CCDC172: variants seen among roughly 807,000 people sequenced by gnomAD.
CCDC172 encodes the protein coiled-coil domain containing 172, also known as coiled-coil domain-containing protein 172.
In CCDC172, 30 loss-of-function variants were observed where a neutral mutation model predicts 38.0. The ratio of observed to expected loss-of-function variants is 0.79; its 90% CI spans 0.59 to 1.07. CCDC172 has a LOEUF of 1.07. Among genes scored for constraint, CCDC172 ranks in the 50% least tolerant of loss-of-function variants. The pLI is 0.00. For synonymous variants in CCDC172, 78 were observed against 88.3 expected (o/e 0.88, Z 0.66); for missense variants, 297 against 290.1 (o/e 1.02, Z -0.17).
intron 2 of CCDC172, 56 bp from the exon 3 acceptor site, chr10:116,325,247 C>A (rs2134895508): frequency 6.4e-7 from 1 of 1,553,878 alleles, no homozygotes; most frequent in Non-Finnish European, 8.8e-7. Context: ...TCAAACGCCA[C>A]CAAAATGGGG....
chr10:116,357,743 C>A, intron 6 of CCDC172, 93 bp from the exon 7 acceptor site: 1 of 722,420 alleles, frequency 1.4e-6, no homozygotes, highest in Non-Finnish European at 2.2e-6. Context: ...TATATGCAAG[C>A]ACCAAAAATT....
At chr10:116,362,295 A>G (rs1845074270) in intron 7 of CCDC172, among the ~76,000 whole-genome samples, 2 of 152,230 alleles carry the variant, frequency 1.3e-5, no homozygotes, top group Admixed American at 1.3e-4. Context: ...TATGAATCAC[A>G]CTGGTCTGCA....
At chr10:116,368,082 CA>C (rs1289881650) in intron 7 of CCDC172, among the ~76,000 whole-genome samples, 2 of 152,028 alleles carry the variant, frequency 1.3e-5, no homozygotes, top group Non-Finnish European at 2.9e-5. Flanking sequence ...TTTTTCAGAG[CA>C]TTATATCAGG....
rs761112452 is a variant in CCDC172, at chr10:116,325,099, A to G, written c.79+9A>G. On this transcript the variant is annotated intron_variant, in intron 2 of 8. Coordinates refer to ENST00000333254, the MANE Select transcript of CCDC172 (RefSeq NM_198515.3). ...CCGTTTGATGCGAGAAGGTCGGGGT[A>G]TTTCTGTCCTTTGCATGGGGCCTTT... 4 of 1,613,440 alleles carry G rather than the reference A, an allele frequency of 2.5e-6. No homozygotes were observed. The highest frequency in any genetic ancestry group is 1.1e-5 in the South Asian group (1 of 91,056).
intron 7 of CCDC172, among the ~76,000 whole-genome samples, chr10:116,367,358 C>G (rs1845135487): frequency 6.6e-6 from 1 of 152,084 alleles, no homozygotes. Context: ...AAACATCACA[C>G]TGTATCCCAA....
chr10:116,370,498 T>A (rs142479192), intron 7 of CCDC172, among the ~76,000 whole-genome samples: 52 of 152,088 alleles, frequency 3.4e-4, no homozygotes, highest in African/African-American at 1.2e-3. Context: ...GTTTGAGGTG[T>A]CACCTCTATT....
intron 5 of CCDC172, among the ~76,000 whole-genome samples, chr10:116,356,327 T>A (rs1844995933): frequency 8.4e-6 from 1 of 118,398 alleles, no homozygotes; most frequent in African/African-American, 3.4e-5. Flanking sequence ...AAGACTCCAC[T>A]CAGAAAAAAA....
intron 3 of CCDC172, among the ~76,000 whole-genome samples, chr10:116,334,436 G>A (rs1029017935): frequency 1.3e-5 from 2 of 151,888 alleles, no homozygotes; most frequent in African/African-American, 2.4e-5. Context: ...TCCACCACAC[G>A]GTTAACATTT....
At chr10:116,340,438 A>G (rs1468309118) in intron 3 of CCDC172, among the ~76,000 whole-genome samples, 2 of 151,920 alleles carry the variant, frequency 1.3e-5, no homozygotes, top group Non-Finnish European at 3.0e-5. Flanking sequence ...AAAAAGCGTT[A>G]GTACCTAGCT....
rs752897254 is a variant in CCDC172 at position 116,325,038 on chromosome 10, C to T, written c.27C>T (p.His9=). ...TGAGCTTGGAGTCCCTGTTTCAGCA[C>T]ATCATCTTCACCGAGCATCAGGCGG... MSLESLFQ[H]IIFTEHQAEE... is the part of the protein sequence containing the mutation. Residue 9 remains histidine (H), a synonymous_variant, in exon 2 of 9, where the codon CAC becomes CAT. Coordinates refer to ENST00000333254, the MANE Select transcript of CCDC172 (RefSeq NM_198515.3). 1 of 1,614,122 alleles carries T rather than the reference C, an allele frequency of 6.2e-7. No homozygotes were observed. Among genetic ancestry groups the T allele is most frequent in the South Asian group, 1.1e-5 (1 of 91,088 alleles).
At chr10:116,358,085 A>G (rs542066000) in intron 7 of CCDC172, 147 bp downstream of exon 7, 8 of 565,426 alleles carry the variant, frequency 1.4e-5, no homozygotes, top group Admixed American at 3.6e-5. Flanking sequence ...ACACGTGCTA[A>G]TAAGGAAACA....
At chr10:116,358,030 T>G in intron 7 of CCDC172, 92 bp downstream of exon 7, 1 of 686,274 alleles carries the variant, frequency 1.5e-6, no homozygotes, top group Non-Finnish European at 2.5e-6. Flanking sequence ...AATTATTAAT[T>G]TGAAGTTCCA....
chr10:116,347,089 A>T (rs1844876925), intron 5 of CCDC172, among the ~76,000 whole-genome samples: 1 of 142,950 alleles, frequency 7.0e-6, no homozygotes. Context: ...AGATAGTTGT[A>T]ATTTAAGTCA....
intron 5 of CCDC172, among the ~76,000 whole-genome samples, chr10:116,351,600 T>C (rs1844931058): frequency 6.6e-6 from 1 of 152,176 alleles, no homozygotes. Flanking sequence ...TTAAATATTA[T>C]GTGGAGAACT....
At chr10:116,332,530 T>C (rs1844676868) in intron 3 of CCDC172, among the ~76,000 whole-genome samples, 1 of 152,168 alleles carries the variant, frequency 6.6e-6, no homozygotes, top group African/African-American at 2.4e-5. Context: ...AACTTGTCTG[T>C]ACAGAATTAT....
chr10:116,339,662 G>A lies in CCDC172; in HGVS notation c.166-1072G>A, dbSNP rs1053407719. ...CTGAAGATATGGGCAGATGGGCTAC[G>A]ATCTTATATAAATGTAAGATCATAT... On this transcript the variant is annotated intron_variant, in intron 3 of 8. Transcript: ENST00000333254. Among the ~76,000 whole-genome samples, 11 of 151,918 alleles carry A rather than the reference G, an allele frequency of 7.2e-5. No individual in the cohort carries two copies. In the East Asian group the frequency reaches 1.4e-3, roughly 19 times the overall value.
chr10:116,360,815 C>T (rs898714153), intron 7 of CCDC172, among the ~76,000 whole-genome samples: 3 of 152,092 alleles, frequency 2.0e-5, no homozygotes, highest in African/African-American at 7.2e-5. Flanking sequence ...GTGGGGTCCA[C>T]TGCTACCTTT....
At chr10:116,357,586 G>A (rs917344446) in intron 6 of CCDC172, 105 bp downstream of exon 6, 16 of 960,194 alleles carry the variant, frequency 1.7e-5, no homozygotes, top group Admixed American at 3.7e-5. Context: ...GTGATATAGT[G>A]CTATTATTGG....
chr10:116,340,858 T>A lies in CCDC172; in HGVS notation c.282+8T>A. 7.5e-7 allele frequency: 1 copy of A among 1,337,608 alleles called. No homozygotes were observed. Among genetic ancestry groups the A allele is most frequent in the Non-Finnish European group, 1.1e-6 (1 of 936,404 alleles). 82.9% of individuals were successfully genotyped at this position (1,337,608 alleles called of 1,614,324 possible). On this transcript the variant is annotated splice_region_variant and intron_variant, in intron 4 of 8. Transcript: ENST00000333254. ...ATGCTTCTTCAAACCTTTGTAAGTT[T>A]CCAGCCACCTAGAAAAATCTATTTC... is the stretch of plus-strand genomic sequence containing the variant.
Sources: allele counts gnomAD v4.1 joint callset (sites outside exome capture counted in the v4.1 genomes callset), GRCh38; gene constraint gnomAD v4.1.1; transcripts MANE v1.5; gene names NCBI Gene and HGNC (gene_info 2026-07-23, HGNC 2026-07-21).